Variants in DLC1 observed in about 807,000 individuals in gnomAD.
The protein encoded by DLC1 is DLC1 Rho GTPase activating protein.
In DLC1, 54 loss-of-function variants were observed where a neutral mutation model predicts 140.3. The ratio of observed to expected loss-of-function variants is 0.38; its 90% CI spans 0.31 to 0.48. The LOEUF (loss-of-function observed/expected upper bound fraction) is 0.48. Ranked by LOEUF, DLC1 falls within the 20% of genes least tolerant of loss-of-function variation. The pLI is 0.96. For missense variants in DLC1, 2,536 were observed against 1,907.0 expected (o/e 1.33, Z -6.14); for synonymous variants, 986 against 728.1 (o/e 1.35, Z -5.70).
rs565953224 is a variant in DLC1 at position 13,183,732 on chromosome 8, G to A, written c.1349-68075C>T. Among the ~76,000 whole-genome samples the A allele has an allele frequency of 1.6e-4, 24 of 152,214 alleles. No individual in the cohort carries two copies. In the East Asian group the frequency reaches 4.6e-3, roughly 29 times the overall value. Reference sequence around the variant, plus strand: ...ATTAGGTTTGCCAGTATTTTACTGAGGATTTTTGCATCGATGTTCATCAGG... The same window carrying A: ...ATTAGGTTTGCCAGTATTTTACTGAAGATTTTTGCATCGATGTTCATCAGG... On this transcript the variant is annotated intron_variant, in intron 5 of 17. Coordinates refer to ENST00000276297, the MANE Select transcript of DLC1 (RefSeq NM_182643.3).
upstream of DLC1, among the ~76,000 whole-genome samples, chr8:13,515,119 G>A (rs1214754630): frequency 6.6e-6 from 1 of 151,980 alleles, no homozygotes; most frequent in Admixed American, 6.6e-5. Context: ...AAGAAAGAAA[G>A]AAAACGTAGT....
intron 4 of DLC1, among the ~76,000 whole-genome samples, chr8:13,313,658 C>A (rs1345961324): frequency 6.6e-6 from 1 of 152,136 alleles, no homozygotes; most frequent in African/African-American, 2.4e-5. Context: ...TAATGCAAAA[C>A]AAATATAGGT....
chr8:13,204,104 T>A (rs1036718044), intron 5 of DLC1, among the ~76,000 whole-genome samples: 2 of 152,094 alleles, frequency 1.3e-5, no homozygotes, highest in African/African-American at 2.4e-5. Flanking sequence ...ACAAAAATGC[T>A]CAGGGGGAAA....
intron 4 of DLC1, among the ~76,000 whole-genome samples, chr8:13,370,706 G>T (rs748432304): frequency 3.3e-5 from 5 of 152,166 alleles, no homozygotes; most frequent in Non-Finnish European, 7.3e-5. Context: ...ACTAAGCTCT[G>T]CTTTTCTTTT....
chr8:13,585,336 A>G (rs73665150), intron 1 of DLC1, among the ~76,000 whole-genome samples: 3,966 of 152,250 alleles, frequency 0.026, 178 homozygotes, highest in African/African-American at 0.092. Flanking sequence ...GGCTGAGGCC[A>G]AAGGATTGCT....
At chr8:13,375,735 A>ATTTTT (rs369790217) in intron 4 of DLC1, among the ~76,000 whole-genome samples, 4 of 150,702 alleles carry the variant, frequency 2.7e-5, no homozygotes, top group African/African-American at 7.3e-5. Context: ...TTTTATTTTT[A>ATTTTT]TTTTTTTGCT....
intron 1 of DLC1, among the ~76,000 whole-genome samples, chr8:13,600,864 T>C (rs1805852361): frequency 6.6e-6 from 1 of 151,900 alleles, no homozygotes; most frequent in South Asian, 2.1e-4. Flanking sequence ...ATTTGCCTAT[T>C]GGTAATGTAC....
At chr8:13,319,432 A>G (rs921059579) in intron 4 of DLC1, among the ~76,000 whole-genome samples, 8 of 144,380 alleles carry the variant, frequency 5.5e-5, no homozygotes, top group African/African-American at 2.1e-4. Context: ...TTTCATCTCG[A>G]ATTGTAATCC....
rs1392007707 is a variant in DLC1, at chr8:13,095,194, C to A, written c.3219G>T (p.Arg1073=). The change falls in exon 11 of 18, where the codon CGG becomes CGT. Residue 1073 remains arginine (R), a synonymous_variant. Coordinates refer to ENST00000276297, the MANE Select transcript of DLC1 (RefSeq NM_182643.3). ...CCGTCAGTGGGACCCCAAACACACT[C>A]CGGTCCTTGTAGTCTGGAACCTTGA... ...KRIKVPDYKD[R]SVFGVPLTVN... 2 of 1,614,236 alleles carry A rather than the reference C, an allele frequency of 1.2e-6. No individual in the cohort carries two copies. The highest frequency in any genetic ancestry group is 1.7e-6 in the Non-Finnish European group (2 of 1,180,046).
intron 2 of DLC1, among the ~76,000 whole-genome samples, chr8:13,481,658 G>T (rs1413032947): frequency 6.6e-6 from 1 of 152,144 alleles, no homozygotes; most frequent in Non-Finnish European, 1.5e-5. Flanking sequence ...ATGAAACTGT[G>T]CTTGGCACAA....
intron 5 of DLC1, among the ~76,000 whole-genome samples, chr8:13,302,018 A>G (rs1832216723): frequency 6.6e-6 from 1 of 152,176 alleles, no homozygotes; most frequent in Admixed American, 6.5e-5. Context: ...TGAAAATGAT[A>G]TTTATTGGAT....
chr8:13,150,148 TAAAAG>T (rs1170191966), intron 5 of DLC1, among the ~76,000 whole-genome samples: 2 of 151,968 alleles, frequency 1.3e-5, no homozygotes, highest in African/African-American at 4.8e-5. Context: ...TTAGACAGCT[TAAAAG>T]AAATGGAGAA....
chr8:13,401,499 T>C lies in DLC1; in HGVS notation c.1144A>G (p.Thr382Ala), dbSNP rs763463853. 5 of 1,612,678 alleles carry C rather than the reference T, an allele frequency of 3.1e-6. No homozygotes were observed. Among genetic ancestry groups the C allele is most frequent in the Non-Finnish European group, 4.2e-6 (5 of 1,179,988 alleles). Residue 382 changes from threonine (T) to alanine (A), a missense_variant, in exon 3 of 18, where the codon ACA becomes GCA. By Grantham distance (58) the Thr-to-Ala change is moderately conservative. Transcript: ENST00000276297. Reference sequence around the variant, plus strand: ...ACGTGCCGCCGCAGGTTTGTTGGTGTGCCTGATGGAGAGGAGCTGGTGCTG... The same window carrying C: ...ACGTGCCGCCGCAGGTTTGTTGGTGCGCCTGATGGAGAGGAGCTGGTGCTG... ...ALSTSSSPSG[T>A]PTNLRRHVPD...
At position 13,246,949 on chromosome 8, in the gene DLC1, A is replaced by G. The variant is rs184727453; in HGVS notation, c.1348+58320T>C. 4.3e-3 allele frequency among the ~76,000 whole-genome samples: 651 copies of G among 152,260 alleles called. 2 individuals are homozygous for G. The highest frequency in any genetic ancestry group is 5.6e-3 in the Non-Finnish European group (381 of 68,014). On this transcript the variant is annotated intron_variant, in intron 5 of 17. Coordinates refer to ENST00000276297, the MANE Select transcript of DLC1 (RefSeq NM_182643.3). ...GTGCCCCACCTAGAAGTGACCCTGG[A>G]TTGCAAAACTGTAATGAGCAAAACC...
At chr8:13,447,613 T>C (rs1456576802) in intron 2 of DLC1, among the ~76,000 whole-genome samples, 1 of 152,200 alleles carries the variant, frequency 6.6e-6, no homozygotes, top group Non-Finnish European at 1.5e-5. Context: ...TTAGTTCTTC[T>C]AGGTAATAAA....
At chr8:13,324,306 C>T (rs1247961550) in intron 4 of DLC1, among the ~76,000 whole-genome samples, 1 of 152,122 alleles carries the variant, frequency 6.6e-6, no homozygotes, top group Non-Finnish European at 1.5e-5. Context: ...TGGTGGCTCA[C>T]GCCTCTAATC....
chr8:13,104,358 A>AAAC (rs1435427350), intron 7 of DLC1, among the ~76,000 whole-genome samples: 1 of 151,772 alleles, frequency 6.6e-6, no homozygotes, highest in Non-Finnish European at 1.5e-5. Flanking sequence ...TACAAAAAAA[A>AAAC]AAAAAACCCA....
chr8:13,477,975 T>G (rs1262479117), intron 2 of DLC1, among the ~76,000 whole-genome samples: 1 of 152,054 alleles, frequency 6.6e-6, no homozygotes, highest in Non-Finnish European at 1.5e-5. Context: ...TTCAGAGAGA[T>G]TTGAGAAAAT....
chr8:13,529,490 A>C (rs1803028546), intron 1 of DLC1, among the ~76,000 whole-genome samples: 1 of 152,124 alleles, frequency 6.6e-6, no homozygotes. Flanking sequence ...ATTATACTTA[A>C]TTACTCTCTT....
Sources: allele counts gnomAD v4.1 joint callset (sites outside exome capture counted in the v4.1 genomes callset), GRCh38; gene constraint gnomAD v4.1.1; transcripts MANE v1.5; gene names NCBI Gene and HGNC (gene_info 2026-07-23, HGNC 2026-07-21).